Variants in GABPB1 observed in about 807,000 individuals in gnomAD.
The protein encoded by GABPB1 is GA-binding protein subunit beta-1.
A neutral mutation model predicts 45.9 loss-of-function variants in GABPB1; 15 were observed. The ratio of observed to expected loss-of-function variants is 0.33; its 90% CI spans 0.22 to 0.50. The LOEUF (loss-of-function observed/expected upper bound fraction) is 0.50, where lower values mean the gene tolerates loss of function less well. Among genes scored for constraint, GABPB1 ranks in the 20% least tolerant of loss-of-function variants. The pLI, the probability that GABPB1 is intolerant of heterozygous loss-of-function variation, is 0.98. For missense variants in GABPB1, 252 were observed against 457.5 expected (o/e 0.55, Z 4.10); for synonymous variants, 143 against 154.4 (o/e 0.93, Z 0.55).
intron 6 of GABPB1, 103 bp from the exon 7 acceptor site, chr15:50,289,771 T>C: frequency 1.3e-6 from 1 of 777,750 alleles, no homozygotes; most frequent in East Asian, 2.7e-5. Flanking sequence ...TTCTTTCTTT[T>C]CTTTTTTCTT....
intron 6 of GABPB1, among the ~76,000 whole-genome samples, chr15:50,296,688 G>A (rs1306969804): frequency 6.6e-6 from 1 of 151,972 alleles, no homozygotes; most frequent in Non-Finnish European, 1.5e-5. Context: ...TAAAATGGAG[G>A]TCCCACTAAT....
chr15:50,312,425 C>T (rs1412774983), intron 1 of GABPB1, among the ~76,000 whole-genome samples: 1 of 152,102 alleles, frequency 6.6e-6, no homozygotes, highest in Non-Finnish European at 1.5e-5. Flanking sequence ...CCAAGATACT[C>T]CTCAATCCTG....
At chr15:50,338,995 T>C (rs991459339) in intron 1 of GABPB1, among the ~76,000 whole-genome samples, 4 of 152,038 alleles carry the variant, frequency 2.6e-5, no homozygotes, top group Admixed American at 2.0e-4. Flanking sequence ...ACCCCATCTC[T>C]ACTAAAAACA....
At chr15:50,351,626 G>C (rs1056538667) in intron 1 of GABPB1, 31 of 144,670 alleles carry the variant, frequency 2.1e-4, no homozygotes. Flanking sequence ...GAAGGAGAGA[G>C]AGGGAGAGGG....
intron 1 of GABPB1, among the ~76,000 whole-genome samples, chr15:50,339,230 A>G (rs981140113): frequency 6.6e-6 from 1 of 152,232 alleles, no homozygotes; most frequent in Middle Eastern, 3.2e-3. Flanking sequence ...AGGTGGGAGC[A>G]CTGCTTGAGC....
rs1000014871 is a variant in GABPB1 at position 50,318,181 on chromosome 15, A to G, written c.1-8383T>C. 9.8e-5 allele frequency among the ~76,000 whole-genome samples: 15 copies of G among 152,322 alleles called. No homozygotes were observed. In the East Asian group the frequency reaches 2.7e-3, roughly 27 times the overall value. ...TTTGCAGAGGAAGCAAGTAAAAAGTAAAAAGATTTACCAAAGAACACTAGT... is the reference window on the plus strand; with the variant it reads ...TTTGCAGAGGAAGCAAGTAAAAAGTGAAAAGATTTACCAAAGAACACTAGT... On this transcript the variant is annotated intron_variant, in intron 1 of 8. Coordinates refer to ENST00000380877, the MANE Select transcript of GABPB1 (RefSeq NM_016654.5).
chr15:50,290,424 C>A (rs1349167921), intron 6 of GABPB1, among the ~76,000 whole-genome samples: 1 of 152,034 alleles, frequency 6.6e-6, no homozygotes, highest in Admixed American at 6.6e-5. Flanking sequence ...AACCCTGTCT[C>A]TACTAAAAAT....
intron 2 of GABPB1, among the ~76,000 whole-genome samples, chr15:50,307,846 G>C (rs1011006908): frequency 1.3e-5 from 2 of 152,070 alleles, no homozygotes; most frequent in Non-Finnish European, 2.9e-5. Flanking sequence ...ATCAGTTCTG[G>C]AAAATTCTCA....
At chr15:50,305,430 C>T (rs2046915031) in intron 2 of GABPB1, among the ~76,000 whole-genome samples, 2 of 152,128 alleles carry the variant, frequency 1.3e-5, no homozygotes, top group Admixed American at 6.6e-5. Flanking sequence ...TCACACACTA[C>T]AGCTTTGAAC....
Position 50,317,002 on chromosome 15 carries a change from A to T in GABPB1, c.1-7204T>A, listed in dbSNP as rs538161127. Among the ~76,000 whole-genome samples, 14 of 152,146 alleles carry T rather than the reference A, an allele frequency of 9.2e-5. No homozygotes were observed. The East Asian group carries it at 2.1e-3, about 23-fold the overall frequency. On this transcript the variant is annotated intron_variant, in intron 1 of 8. Coordinates refer to ENST00000380877, the MANE Select transcript of GABPB1 (RefSeq NM_016654.5). ...ATCTCTAAAAGATAAAAATATTTTT[A>T]AAATAATACTATATATATTCATTTG...
In GABPB1 at chr15:50,301,177, T is replaced by C. The variant is rs557453975; in HGVS notation, c.583+80A>G. ...CTTTCTTACAAGGATGAATACCTAC[T>C]AAAGCATAAAATCCCAAAGCCTATC... On this transcript the variant is annotated intron_variant, in intron 5 of 8. Transcript: ENST00000380877. 3.1e-4 allele frequency: 492 copies of C among 1,564,560 alleles called. 3 individuals are homozygous for C. In the South Asian group the frequency reaches 5.2e-3, roughly 16 times the overall value.
intron 1 of GABPB1, among the ~76,000 whole-genome samples, chr15:50,332,446 C>T (rs1233638298): frequency 6.6e-6 from 1 of 152,040 alleles, no homozygotes; most frequent in Admixed American, 6.6e-5. Context: ...TTTGAAGAAA[C>T]CAAATATAAT....
Position 50,303,013 on chromosome 15 carries a change from A to G in GABPB1, c.387T>C (p.Asp129=), listed in dbSNP as rs533592195. ...VVELLIKYGA[D]VHTQSKFCKT... ...TACAAAATTTACTTTGCGTGTGTAC[A>G]TCAGCACCATATTTGATTAAAAGTT... Residue 129 remains aspartate, a synonymous_variant, in exon 4 of 9, where the codon GAT becomes GAC. Transcript: ENST00000380877. 1.4e-5 allele frequency: 22 copies of G among 1,613,942 alleles called. No homozygotes were observed. The East Asian group carries it at 3.1e-4, about 23-fold the overall frequency.
At chr15:50,336,094 T>C (rs2048114486) in intron 1 of GABPB1, among the ~76,000 whole-genome samples, 1 of 152,016 alleles carries the variant, frequency 6.6e-6, no homozygotes, top group Admixed American at 6.6e-5. Flanking sequence ...CTCACGCCTG[T>C]AATCCCAGCA....
intron 1 of GABPB1, among the ~76,000 whole-genome samples, chr15:50,315,226 G>A (rs2047275264): frequency 6.6e-6 from 1 of 152,042 alleles, no homozygotes; most frequent in Admixed American, 6.6e-5. Context: ...CGACCTCCCA[G>A]GCTCAACCGA....
intron 1 of GABPB1, chr15:50,349,673 A>G (rs2141186767): frequency 6.6e-6 from 1 of 152,364 alleles, no homozygotes; most frequent in East Asian, 1.9e-4. Context: ...GAATCAAACA[A>G]AAAATTACAA....
At chr15:50,313,973 A>G (rs2047220290) in intron 1 of GABPB1, among the ~76,000 whole-genome samples, 2 of 152,178 alleles carry the variant, frequency 1.3e-5, no homozygotes, top group Admixed American at 1.3e-4. Context: ...AAGAAAATGT[A>G]TAATGTTGGG....
At chr15:50,293,615 T>C (rs2046419402) in intron 6 of GABPB1, among the ~76,000 whole-genome samples, 1 of 152,178 alleles carries the variant, frequency 6.6e-6, no homozygotes, top group South Asian at 2.1e-4. Flanking sequence ...ACTATCCATA[T>C]GAAAAAGAAA....
At position 50,325,361 on chromosome 15, in the gene GABPB1, C is replaced by T. The variant is rs186626484; in HGVS notation, c.1-15563G>A. ...GCCAGAAGTTGAGACCCCACCTCTG[C>T]CACAGATCAGCTGTGTGACCCAGGT... is the stretch of plus-strand genomic sequence containing the variant. On this transcript the variant is annotated intron_variant, in intron 1 of 8. Coordinates refer to ENST00000380877, the MANE Select transcript of GABPB1 (RefSeq NM_016654.5). Among the ~76,000 whole-genome samples the T allele has an allele frequency of 2.5e-3, 375 of 151,196 alleles. 1 individual carries two copies. The highest frequency in any genetic ancestry group is 6.2e-3 in the Admixed American group (94 of 15,180).
Sources: allele counts gnomAD v4.1 joint callset (sites outside exome capture counted in the v4.1 genomes callset), GRCh38; gene constraint gnomAD v4.1.1; transcripts MANE v1.5; gene names NCBI Gene and HGNC (gene_info 2026-07-23, HGNC 2026-07-21).